MGAT5: variants seen among roughly 807,000 people sequenced by gnomAD.
MGAT5 encodes alpha-1,6-mannosylglycoprotein 6-beta-N-acetylglucosaminyltransferase A.
Under a neutral mutation model 94.3 loss-of-function variants are expected in MGAT5, and 30 were observed. The ratio of observed to expected loss-of-function variants is 0.32; its 90% confidence interval spans 0.24 to 0.43. The LOEUF (loss-of-function observed/expected upper bound fraction) is 0.43, where lower values mean the gene tolerates loss of function less well. Among genes scored for constraint, MGAT5 ranks in the 20% least tolerant of loss-of-function variants. The pLI is 1.00. For missense variants in MGAT5, 691 were observed against 905.5 expected (o/e 0.76, Z 3.04); for synonymous variants, 310 against 322.9 (o/e 0.96, Z 0.43).
intron 2 of MGAT5, among the ~76,000 whole-genome samples, chr2:134,286,758 C>G (rs1036095226): frequency 6.6e-6 from 1 of 152,168 alleles, no homozygotes. Context: ...ATTCTGCCTT[C>G]CCACTTGAAT....
intron 1 of MGAT5, among the ~76,000 whole-genome samples, chr2:134,212,917 G>A (rs1259135931): frequency 6.6e-6 from 1 of 152,228 alleles, no homozygotes; most frequent in Non-Finnish European, 1.5e-5. Flanking sequence ...GCGTAAGTGA[G>A]CCAGCTTGAA....
chr2:134,413,379 A>G (rs762434838), intron 12 of MGAT5, among the ~76,000 whole-genome samples: 1 of 152,174 alleles, frequency 6.6e-6, no homozygotes, highest in Non-Finnish European at 1.5e-5. Flanking sequence ...TGGGCTTTGG[A>G]GAATAAAAAG....
At chr2:134,353,348 A>C (rs1679513644) in intron 9 of MGAT5, among the ~76,000 whole-genome samples, 1 of 152,202 alleles carries the variant, frequency 6.6e-6, no homozygotes, top group African/African-American at 2.4e-5. Flanking sequence ...TTTTGACTAT[A>C]CAGTTGTAGT....
At chr2:134,162,377 G>A (rs1687777834) in intron 1 of MGAT5, among the ~76,000 whole-genome samples, 1 of 152,170 alleles carries the variant, frequency 6.6e-6, no homozygotes, top group Non-Finnish European at 1.5e-5. Context: ...AGATGGCAGT[G>A]AGGCAAGCAA....
At chr2:134,203,162 A>G (rs1679879882) in intron 1 of MGAT5, among the ~76,000 whole-genome samples, 1 of 152,222 alleles carries the variant, frequency 6.6e-6, no homozygotes, top group African/African-American at 2.4e-5. Flanking sequence ...ATTCTGGGAC[A>G]ATTTTAAATG....
intron 8 of MGAT5, 66 bp from the exon 9 acceptor site, chr2:134,349,739 G>T (rs1679252056): frequency 1.3e-6 from 2 of 1,580,442 alleles, no homozygotes; most frequent in South Asian, 1.1e-5. Context: ...GGAAGGGTTA[G>T]AGCTTTTACC....
At chr2:134,202,458 T>C (rs932908794) in intron 1 of MGAT5, among the ~76,000 whole-genome samples, 1 of 152,252 alleles carries the variant, frequency 6.6e-6, no homozygotes, top group Non-Finnish European at 1.5e-5. Flanking sequence ...TGATCTTGGA[T>C]GTTCCAGCCT....
Position 134,403,124 on chromosome 2 carries a change from T to C in MGAT5, c.1517T>C (p.Leu506Pro). The change falls in exon 11 of 16, where the codon CTT becomes CCT. Residue 506 changes from leucine (L) to proline (P), a missense_variant. By Grantham distance (98) the Leu-to-Pro change is moderately conservative. Coordinates refer to ENST00000281923, the MANE Select transcript of MGAT5 (RefSeq NM_002410.5). Reference sequence around the variant, plus strand: ...AGTGGACGGGACCTGCAGTTCCTTCTTCGAGAAACCAAGGTAAAAATTCAC... The same window carrying C: ...AGTGGACGGGACCTGCAGTTCCTTCCTCGAGAAACCAAGGTAAAAATTCAC... ...ILSGRDLQFL[L>P]RETKLFVGLG... is the part of the protein sequence containing the mutation. 1 of 1,601,788 alleles carries C rather than the reference T, an allele frequency of 6.2e-7. No individual in the cohort carries two copies. The highest frequency in any genetic ancestry group is 8.5e-7 in the Non-Finnish European group (1 of 1,177,348).
At chr2:134,388,023 A>G (rs1682139441) in intron 10 of MGAT5, among the ~76,000 whole-genome samples, 1 of 152,154 alleles carries the variant, frequency 6.6e-6, no homozygotes, top group Non-Finnish European at 1.5e-5. Flanking sequence ...ATTCATGGGG[A>G]TCAGAGCCTT....
chr2:134,278,714 A>G (rs1411926643), intron 2 of MGAT5, among the ~76,000 whole-genome samples: 2 of 152,160 alleles, frequency 1.3e-5, no homozygotes, highest in Non-Finnish European at 2.9e-5. Flanking sequence ...TTTAAGCACT[A>G]CTGTGGCCAA....
chr2:134,289,620 C>T (rs1206299968), intron 2 of MGAT5, among the ~76,000 whole-genome samples: 1 of 152,212 alleles, frequency 6.6e-6, no homozygotes, highest in African/African-American at 2.4e-5. Flanking sequence ...ATCCAGTTTC[C>T]TACCATATGC....
intron 1 of MGAT5, among the ~76,000 whole-genome samples, chr2:134,135,385 G>A (rs1490703850): frequency 6.6e-6 from 1 of 152,068 alleles, no homozygotes; most frequent in Non-Finnish European, 1.5e-5. Flanking sequence ...TACTTTTAAT[G>A]TGAAGCATTT....
At chr2:134,248,556 G>C (rs947229353) in intron 1 of MGAT5, among the ~76,000 whole-genome samples, 10 of 152,280 alleles carry the variant, frequency 6.6e-5, no homozygotes, top group African/African-American at 2.4e-4. Context: ...TTTCTTGAAG[G>C]TTACTGTACA....
At chr2:134,344,274 TA>T (rs1012336892) in intron 7 of MGAT5, among the ~76,000 whole-genome samples, 53 of 151,814 alleles carry the variant, frequency 3.5e-4, no homozygotes, top group Non-Finnish European at 7.2e-4. Flanking sequence ...AAAGGGTGAT[TA>T]AAAAAAACTG....
chr2:134,397,611 G>T (rs975034117), intron 10 of MGAT5, among the ~76,000 whole-genome samples: 1 of 152,162 alleles, frequency 6.6e-6, no homozygotes, highest in Non-Finnish European at 1.5e-5. Flanking sequence ...TGCTATTTAG[G>T]AAGGAGGACC....
chr2:134,332,320 A>G (rs1468483138), intron 4 of MGAT5, among the ~76,000 whole-genome samples: 1 of 151,982 alleles, frequency 6.6e-6, no homozygotes, highest in Admixed American at 6.6e-5. Flanking sequence ...CAAACCTGAG[A>G]AAAACAAGCA....
chr2:134,247,206 A>G (rs1682321041), intron 1 of MGAT5, among the ~76,000 whole-genome samples: 1 of 152,208 alleles, frequency 6.6e-6, no homozygotes, highest in Non-Finnish European at 1.5e-5. Context: ...AAGTTGAATT[A>G]TTAACATCTA....
At chr2:134,312,594 G>T (rs1468874968) in intron 2 of MGAT5, among the ~76,000 whole-genome samples, 1 of 152,166 alleles carries the variant, frequency 6.6e-6, no homozygotes, top group African/African-American at 2.4e-5. Context: ...AGTGTGCTGG[G>T]CATATATCCT....
At chr2:134,129,047 C>G (rs1178823382) in intron 1 of MGAT5, among the ~76,000 whole-genome samples, 1 of 152,218 alleles carries the variant, frequency 6.6e-6, no homozygotes, top group Non-Finnish European at 1.5e-5. Flanking sequence ...CAGCCACAAA[C>G]TTAGCAGCTA....
Sources: gnomAD v4.1 joint callset for allele counts (sites outside exome capture counted in the v4.1 genomes callset) on GRCh38, gnomAD v4.1.1 for gene constraint, MANE v1.5 for transcripts, NCBI Gene and HGNC (gene_info 2026-07-23, HGNC 2026-07-21) for gene names.